The following JAZF1 variants were observed in gnomAD, a reference collection of about 807,000 sequenced individuals.
The protein encoded by JAZF1 is juxtaposed with another zinc finger protein 1.
A neutral mutation model predicts 26.4 loss-of-function variants in JAZF1; 8 were observed. That is an observed-to-expected ratio of 0.30 (90% CI 0.18 to 0.55). The LOEUF is 0.55. JAZF1 is among the 20% of genes least tolerant of loss of function. JAZF1 has a pLI of 0.94. For missense variants in JAZF1, 199 were observed against 322.0 expected (o/e 0.62, Z 2.92); for synonymous variants, 126 against 122.3 (o/e 1.03, Z -0.20).
intron 1 of JAZF1, among the ~76,000 whole-genome samples, chr7:28,080,094 A>G (rs6968494): frequency 0.41 from 62,984 of 152,182 alleles, 14,535 homozygotes; most frequent in African/African-American, 0.63. Context: ...ATAGTCATCC[A>G]AGCTAGATCT....
chr7:28,143,224 T>C (rs982402354), intron 1 of JAZF1, among the ~76,000 whole-genome samples: 1 of 152,222 alleles, frequency 6.6e-6, no homozygotes, highest in African/African-American at 2.4e-5. Context: ...AGCCTTGTAG[T>C]GCTGTTCCCT....
At chr7:28,123,599 T>C (rs1782639379) in intron 1 of JAZF1, among the ~76,000 whole-genome samples, 1 of 152,230 alleles carries the variant, frequency 6.6e-6, no homozygotes, top group Non-Finnish European at 1.5e-5. Flanking sequence ...TAAATGCCCA[T>C]TGTGTGCTGG....
chr7:28,131,570 A>G (rs1782794258), intron 1 of JAZF1, among the ~76,000 whole-genome samples: 1 of 152,198 alleles, frequency 6.6e-6, no homozygotes, highest in African/African-American at 2.4e-5. Context: ...CATTTGGTCC[A>G]TGGTCGATAC....
intron 1 of JAZF1, among the ~76,000 whole-genome samples, chr7:28,017,403 C>T (rs933972872): frequency 1.3e-5 from 2 of 151,054 alleles, no homozygotes; most frequent in African/African-American, 4.9e-5. Flanking sequence ...TTTGTTTCCT[C>T]TTCAGCTAGA....
chr7:28,099,530 G>GC (rs1784437231), intron 1 of JAZF1, among the ~76,000 whole-genome samples: 1 of 152,124 alleles, frequency 6.6e-6, no homozygotes, highest in African/African-American at 2.4e-5. Flanking sequence ...AGGCTGGAAT[G>GC]CAATGGAGCG....
At chr7:28,074,844 G>A (rs2127912331) in intron 1 of JAZF1, among the ~76,000 whole-genome samples, 1 of 152,192 alleles carries the variant, frequency 6.6e-6, no homozygotes, top group East Asian at 1.9e-4. Context: ...ACTCACTGGA[G>A]AATCCACTGT....
chr7:27,874,943 G>A (rs552336772), intron 3 of JAZF1, among the ~76,000 whole-genome samples: 22 of 148,188 alleles, frequency 1.5e-4, no homozygotes, highest in African/African-American at 5.1e-4. Flanking sequence ...GAAAAGACCC[G>A]AGGTCCAGGC....
chr7:28,169,206 G>A (rs1031580961), intron 1 of JAZF1, among the ~76,000 whole-genome samples: 1 of 152,184 alleles, frequency 6.6e-6, no homozygotes, highest in Non-Finnish European at 1.5e-5. Context: ...AACGTTATAC[G>A]TTAATCTCTT....
rs990206043 is a variant in JAZF1 at position 28,090,900 on chromosome 7, C to A, written c.115+89563G>T. Among the ~76,000 whole-genome samples, 20 of 146,876 alleles carry A rather than the reference C, an allele frequency of 1.4e-4. 1 individual carries two copies. Among genetic ancestry groups the A allele is most frequent in the South Asian group, 4.3e-4 (2 of 4,642 alleles). On this transcript the variant is annotated intron_variant, in intron 1 of 4. Transcript: ENST00000283928. ...GGACTGCAGTGGCGCGATCTCGGCT[C>A]ACTGCAAGCTCCGCTTCCCGGGTTC...
At chr7:27,872,860 T>A (rs532843189) in intron 3 of JAZF1, among the ~76,000 whole-genome samples, 89 of 152,146 alleles carry the variant, frequency 5.8e-4, no homozygotes, top group Middle Eastern at 6.8e-3. Context: ...AGGAAACAGG[T>A]CTGCATAAAA....
intron 3 of JAZF1, among the ~76,000 whole-genome samples, chr7:27,856,745 T>C (rs1323898646): frequency 6.6e-6 from 1 of 151,794 alleles, no homozygotes; most frequent in Non-Finnish European, 1.5e-5. Flanking sequence ...TTCAGCTAGA[T>C]ACAGAGTGCC....
intron 3 of JAZF1, among the ~76,000 whole-genome samples, chr7:27,892,333 T>A (rs1315828991): frequency 6.6e-6 from 1 of 152,216 alleles, no homozygotes; most frequent in Admixed American, 6.5e-5. Flanking sequence ...ATTCTCTCAA[T>A]GGGAAATTGC....
intron 3 of JAZF1, among the ~76,000 whole-genome samples, chr7:27,866,985 G>A (rs113251774): frequency 3.3e-5 from 5 of 152,286 alleles, no homozygotes; most frequent in East Asian, 3.9e-4. Flanking sequence ...CACTCTTAAC[G>A]ACATGACTTC....
chr7:27,855,245 T>C (rs1165624974), intron 3 of JAZF1, among the ~76,000 whole-genome samples: 1 of 152,034 alleles, frequency 6.6e-6, no homozygotes, highest in Admixed American at 6.6e-5. Context: ...GGGAAATTTA[T>C]AGCACTAAAT....
intron 3 of JAZF1, among the ~76,000 whole-genome samples, chr7:27,870,290 G>A (rs960861831): frequency 6.6e-6 from 1 of 151,848 alleles, no homozygotes; most frequent in African/African-American, 2.4e-5. Context: ...TACTGGTCCT[G>A]CTGTGCCTCT....
chr7:27,925,523 G>A (rs893151829), intron 2 of JAZF1, among the ~76,000 whole-genome samples: 10 of 152,188 alleles, frequency 6.6e-5, no homozygotes, highest in African/African-American at 2.4e-4. Flanking sequence ...TTGGGCTCAA[G>A]TGATTCTCCC....
chr7:28,102,272 C>A lies in JAZF1; in HGVS notation c.115+78191G>T, dbSNP rs536753123. On this transcript the variant is annotated intron_variant, in intron 1 of 4. Coordinates refer to ENST00000283928, the MANE Select transcript of JAZF1 (RefSeq NM_175061.4). Reference sequence around the variant, plus strand: ...AAGCAAATGTCTTTATCTCTTAGGGCATTTGCTACAAAAGTGGAAACAGTA... The same window carrying A: ...AAGCAAATGTCTTTATCTCTTAGGGAATTTGCTACAAAAGTGGAAACAGTA... 1.2e-4 allele frequency among the ~76,000 whole-genome samples: 19 copies of A among 152,350 alleles called. No individual in the cohort carries two copies. In the East Asian group the frequency reaches 1.9e-3, roughly 15 times the overall value.
intron 2 of JAZF1, among the ~76,000 whole-genome samples, chr7:27,903,898 A>G (rs968862523): frequency 9.8e-5 from 15 of 152,350 alleles, no homozygotes; most frequent in African/African-American, 3.4e-4. Flanking sequence ...CTGCCTTTTC[A>G]ATGGCCCTTT....
chr7:28,110,853 A>G (rs1784650479), intron 1 of JAZF1, among the ~76,000 whole-genome samples: 1 of 152,084 alleles, frequency 6.6e-6, no homozygotes, highest in African/African-American at 2.4e-5. Flanking sequence ...CACACTCGCA[A>G]CCTGGGAGCC....
Sources: gnomAD v4.1 joint callset for allele counts (sites outside exome capture counted in the v4.1 genomes callset) on GRCh38, gnomAD v4.1.1 for gene constraint, MANE v1.5 for transcripts, NCBI Gene and HGNC (gene_info 2026-07-23, HGNC 2026-07-21) for gene names.